Variants in RASGRF1 observed in about 807,000 individuals in gnomAD.
The protein encoded by RASGRF1 is ras-specific guanine nucleotide-releasing factor 1.
In RASGRF1, 40 loss-of-function variants were observed where a neutral mutation model predicts 138.7. That is an observed-to-expected ratio of 0.29 (90% CI 0.22 to 0.38). The LOEUF (loss-of-function observed/expected upper bound fraction) is 0.38. Among genes scored for constraint, RASGRF1 ranks in the 10% least tolerant of loss-of-function variants. The pLI is 1.00. For missense variants in RASGRF1, 1,108 were observed against 1,650.4 expected (o/e 0.67, Z 5.69); for synonymous variants, 614 against 663.2 (o/e 0.93, Z 1.14).
chr15:79,087,658 C>A (rs1645770984), intron 1 of RASGRF1, among the ~76,000 whole-genome samples: 1 of 152,262 alleles, frequency 6.6e-6, no homozygotes, highest in South Asian at 2.1e-4. Flanking sequence ...GGCTCTGTGG[C>A]TTATGCCATG....
rs899616231 is a variant in RASGRF1 at position 79,049,704 on chromosome 15, C to G, written c.532-116G>C. 5.4e-5 allele frequency: 42 copies of G among 774,022 alleles called. No homozygotes were observed. The African/African-American group carries it at 7.4e-4, about 14-fold the overall frequency. The allele number at this position is 774,022 out of a possible 1,614,324, so 47.9% of individuals were successfully genotyped here. ...GCCGAGTGCCCTGCCTCTTCTTCCC[C>G]AAGAGCCATGATGCCACAGCTTGTG... On this transcript the variant is annotated intron_variant, in intron 3 of 26. Coordinates refer to ENST00000558480, the MANE Select transcript of RASGRF1 (RefSeq NM_001145648.3).
chr15:79,030,728 C>A (rs74027009), intron 8 of RASGRF1, among the ~76,000 whole-genome samples: 1 of 152,228 alleles, frequency 6.6e-6, no homozygotes, highest in African/African-American at 2.4e-5. Context: ...CACATCAAAT[C>A]CATCAGAAAA....
chr15:79,020,349 A>G (rs1253020230), intron 10 of RASGRF1, among the ~76,000 whole-genome samples: 1 of 152,236 alleles, frequency 6.6e-6, no homozygotes, highest in African/African-American at 2.4e-5. Context: ...TCCCCAAACC[A>G]AGGTTGAGTT....
chr15:79,028,209 T>C (rs535919392), intron 8 of RASGRF1, among the ~76,000 whole-genome samples: 45 of 152,292 alleles, frequency 3.0e-4, no homozygotes, highest in African/African-American at 1.0e-3. Flanking sequence ...GGGAAGGATA[T>C]GGGAGCACAG....
chr15:79,036,392 C>T (rs575410571), intron 5 of RASGRF1, among the ~76,000 whole-genome samples: 1 of 152,182 alleles, frequency 6.6e-6, no homozygotes, highest in Admixed American at 6.5e-5. Context: ...CTTTCTTTGG[C>T]GGCATTCTCC....
At chr15:79,019,988 G>A (rs2304993) in intron 11 of RASGRF1, 53 bp downstream of exon 11, 286,904 of 1,592,304 alleles carry the variant, frequency 0.18, 26,955 homozygotes, top group Middle Eastern at 0.2. Context: ...AGGAGTGAGC[G>A]TGTGTGTATC....
At chr15:79,035,092 G>A (rs755870830) in intron 6 of RASGRF1, 39 bp downstream of exon 6, 2 of 1,554,144 alleles carry the variant, frequency 1.3e-6, no homozygotes, top group South Asian at 1.2e-5. Flanking sequence ...CCCTGGAGGG[G>A]GACTTCTCTG....
chr15:78,995,785 C>T lies in RASGRF1; in HGVS notation c.2982G>A (p.Glu994=). The change falls in exon 20 of 27, where the codon GAG becomes GAA. Residue 994 remains glutamate, a synonymous_variant. Transcript: ENST00000558480. ...AANIIRTLTQ[E]DPGDNQITLE... ...GCGTGATCTGGTTGTCACCTGGGTCCTCCTGGGTCAGAGTCCTAGGCAGGA... is the reference window on the plus strand; with the variant it reads ...GCGTGATCTGGTTGTCACCTGGGTCTTCCTGGGTCAGAGTCCTAGGCAGGA... 6.2e-7 allele frequency: 1 copy of T among 1,614,178 alleles called. No individual in the cohort carries two copies. Among genetic ancestry groups the T allele is most frequent in the Non-Finnish European group, 8.5e-7 (1 of 1,180,028 alleles).
At chr15:78,998,311 C>A in intron 18 of RASGRF1, 103 bp from the exon 19 acceptor site, 1 of 992,106 alleles carries the variant, frequency 1.0e-6, no homozygotes. Context: ...CTATTCTGCC[C>A]AGGGCAGGCT....
intron 22 of RASGRF1, among the ~76,000 whole-genome samples, chr15:78,988,701 C>G (rs144610867): frequency 6.6e-6 from 1 of 152,262 alleles, no homozygotes; most frequent in East Asian, 1.9e-4. Flanking sequence ...GCTCTTTCCT[C>G]GTGTTGATGA....
chr15:79,070,279 AGCCCACTCTCCACCTAGCCCCTACCTGG>A (rs1474511207), intron 1 of RASGRF1, among the ~76,000 whole-genome samples: 1 of 152,218 alleles, frequency 6.6e-6, no homozygotes, highest in Non-Finnish European at 1.5e-5. Flanking sequence ...TGGGTCAAAG[AGCCCACTCTCCACCTAGCCCCTACCTGG>A]GCAGCTCCCC....
Position 78,962,090 on chromosome 15 carries a change from A to G in RASGRF1, c.*54T>C. On this transcript the variant is annotated 3_prime_UTR_variant, in exon 27 of 27. Coordinates refer to ENST00000558480, the MANE Select transcript of RASGRF1 (RefSeq NM_001145648.3). ...CCAGTGAAACCAAACGAATATGTACAGTATCATCTAGCACATGTCCCCGGG... is the reference window on the plus strand; with the variant it reads ...CCAGTGAAACCAAACGAATATGTACGGTATCATCTAGCACATGTCCCCGGG... 2 of 1,088,986 alleles carry G rather than the reference A, an allele frequency of 1.8e-6. No individual in the cohort carries two copies. 67.5% of individuals were successfully genotyped at this position (1,088,986 alleles called of 1,614,324 possible).
intron 10 of RASGRF1, among the ~76,000 whole-genome samples, chr15:79,023,251 G>C (rs191661030): frequency 2.3e-4 from 35 of 152,154 alleles, no homozygotes; most frequent in Admixed American, 2.2e-3. Flanking sequence ...TGAATGCAGG[G>C]CTGGAGGGAC....
intron 14 of RASGRF1, chr15:79,005,350 T>C (rs2141719297): frequency 1.0e-6 from 1 of 985,400 alleles, no homozygotes; most frequent in South Asian, 4.7e-5. Context: ...CAGGCAGCCC[T>C]AGAGCTGAGG....
chr15:78,993,025 GTGTGGGTGGTGTGTGTGTGCCA>G (rs1296514343), intron 20 of RASGRF1, among the ~76,000 whole-genome samples: 2 of 151,142 alleles, frequency 1.3e-5, no homozygotes, highest in South Asian at 4.2e-4. Context: ...TGTGGGTGGT[GTGTGGGTGGTGTGTGTGTGCCA>G]TGTGGGTGGT....
At chr15:79,024,076 C>T (rs2057009062) in intron 10 of RASGRF1, among the ~76,000 whole-genome samples, 1 of 150,808 alleles carries the variant, frequency 6.6e-6, no homozygotes, top group Non-Finnish European at 1.5e-5. Flanking sequence ...CACACATATA[C>T]ACACCACACA....
intron 13 of RASGRF1, among the ~76,000 whole-genome samples, chr15:79,009,051 T>G (rs2056741875): frequency 6.6e-6 from 1 of 152,118 alleles, no homozygotes. Flanking sequence ...GGCCCAAACC[T>G]TGATGTGATT....
Position 79,050,730 on chromosome 15 carries a change from G to T in RASGRF1, c.532-1142C>A, listed in dbSNP as rs1171562367. Among the ~76,000 whole-genome samples the T allele has an allele frequency of 6.6e-6, 1 of 152,216 alleles. No individual in the cohort carries two copies. The highest frequency in any genetic ancestry group is 2.4e-5 in the African/African-American group (1 of 41,450). On this transcript the variant is annotated intron_variant, in intron 3 of 26. Transcript: ENST00000558480. This position sits in a 1 kb window ranked among gnomAD's most constrained non-coding sequence, Gnocchi z 4.1. ...ACCTTAAGCTGCACTGTGGCCAGGG[G>T]CCTCTGGGACTCATCCCATAGACAG... is the stretch of plus-strand genomic sequence containing the variant.
At chr15:79,009,635 T>G (rs1423214444) in intron 13 of RASGRF1, among the ~76,000 whole-genome samples, 1 of 152,020 alleles carries the variant, frequency 6.6e-6, no homozygotes, top group East Asian at 1.9e-4. Context: ...GCCCCTGCAT[T>G]CTCTACTCCT....
Sources: gnomAD v4.1 joint callset for allele counts (sites outside exome capture counted in the v4.1 genomes callset) on GRCh38, gnomAD v4.1.1 for gene constraint, Gnocchi (gnomAD v3.1) non-coding constraint, MANE v1.5 for transcripts, NCBI Gene and HGNC (gene_info 2026-07-23, HGNC 2026-07-21) for gene names.